PRRC2B: variants seen among roughly 807,000 people sequenced by gnomAD.
The protein encoded by PRRC2B is proline rich coiled-coil 2B.
In PRRC2B, 68 loss-of-function variants were observed where a neutral mutation model predicts 242.3. The ratio of observed to expected loss-of-function variants is 0.28; its 90% confidence interval spans 0.23 to 0.34. The LOEUF is 0.34. Among genes scored for constraint, PRRC2B ranks in the 10% least tolerant of loss-of-function variants. PRRC2B has a pLI of 1.00. For missense variants in PRRC2B, 2,835 were observed against 2,954.8 expected (o/e 0.96, Z 0.94); for synonymous variants, 1,228 against 1,173.6 (o/e 1.05, Z -0.95).
rs2131442715 is a variant in PRRC2B, at chr9:131,473,584, C to G, written c.2184C>G (p.Pro728=). 1.2e-6 allele frequency: 2 copies of G among 1,611,556 alleles called. No individual in the cohort carries two copies. Among genetic ancestry groups the G allele is most frequent in the Non-Finnish European group, 1.7e-6 (2 of 1,178,968 alleles). ...GCTCTGAGGATCAGAACTGTGTGCC[C>G]CCACTCCAAGAAAGAAAAGTGACCC... ...GCRSEDQNCV[P]PLQERKVTPI... Residue 728 remains proline (P), a synonymous_variant, in exon 15 of 32, where the codon CCC becomes CCG. Transcript: ENST00000683519.
chr9:131,424,582 A>T (rs1381968150), intron 1 of PRRC2B, among the ~76,000 whole-genome samples: 2 of 152,080 alleles, frequency 1.3e-5, no homozygotes, highest in Non-Finnish European at 2.9e-5. Context: ...GCTACTCGGG[A>T]GGCTGAGGCT....
Position 131,446,305 on chromosome 9 carries a change from TGGTGAAGGAGG to T in PRRC2B, c.614-93_614-83del. 1 of 1,422,140 alleles carries T rather than the reference TGGTGAAGGAGG, an allele frequency of 7.0e-7. No homozygotes were observed. The highest frequency in any genetic ancestry group is 1.4e-5 in the African/African-American group (1 of 69,852). 88.1% of individuals were successfully genotyped at this position (1,422,140 alleles called of 1,614,324 possible). On this transcript the variant is annotated intron_variant, in intron 6 of 31. Transcript: ENST00000683519. The surrounding 1 kb of genome is among the most constrained non-coding windows in gnomAD (Gnocchi z 4.1). ...TTTTTTGTTTTTCATTTTATTTTTT[TGGTGAAGGAGG>T]GGGTCCCTTGACCTTCAGAACCTCA...
At chr9:131,439,808 A>G (rs1838497485) in intron 5 of PRRC2B, among the ~76,000 whole-genome samples, 1 of 151,796 alleles carries the variant, frequency 6.6e-6, no homozygotes, top group African/African-American at 2.4e-5. Context: ...ATTATAGCCC[A>G]TTGCAGCCTC....
chr9:131,457,468 C>T lies in PRRC2B; in HGVS notation c.1212-1696C>T, dbSNP rs972541130. 5.9e-5 allele frequency among the ~76,000 whole-genome samples: 9 copies of T among 152,322 alleles called. No homozygotes were observed. In the South Asian group the frequency reaches 1.2e-3, roughly 21 times the overall value. ...GCACTTCAAAATCAGAGTGCCCGAA[C>T]GATCTCCTCCTGAAACCTGCTCTTT... On this transcript the variant is annotated intron_variant, in intron 10 of 31. Coordinates refer to ENST00000683519, the MANE Select transcript of PRRC2B (RefSeq NM_013318.4).
chr9:131,470,986 A>G lies in PRRC2B; in HGVS notation c.2107+3A>G. The G allele has an allele frequency of 1.2e-6, 2 of 1,606,944 alleles. No individual in the cohort carries two copies. The highest frequency in any genetic ancestry group is 1.7e-6 in the Non-Finnish European group (2 of 1,175,742). ...CCCCTCCGCCCTGCATCCCTCAGGT[A>G]AGCACTGTGGTCTGACGGTCCATAC... is the stretch of plus-strand genomic sequence containing the variant. On this transcript the variant is annotated splice_donor_region_variant and intron_variant, in intron 14 of 31. Transcript: ENST00000683519.
rs562255267 is a variant in PRRC2B, at chr9:131,409,932, C to T, written c.-52+15669C>T. 3.9e-5 allele frequency among the ~76,000 whole-genome samples: 6 copies of T among 152,326 alleles called. No homozygotes were observed. In the East Asian group the frequency reaches 1.2e-3, roughly 29 times the overall value. ...TTGGTTGCATTTGCAGAGTACTTCT[C>T]ATTTGTTAATTCACCATTATTTGGA... On this transcript the variant is annotated intron_variant, in intron 1 of 31. Transcript: ENST00000683519.
At chr9:131,431,528 G>A (rs1404071735) in intron 2 of PRRC2B, among the ~76,000 whole-genome samples, 1 of 151,704 alleles carries the variant, frequency 6.6e-6, no homozygotes, top group Non-Finnish European at 1.5e-5. Context: ...GCCTCCCAGG[G>A]TGCTGGGATT....
At chr9:131,449,418 G>GGT (rs1942843702) in intron 9 of PRRC2B, among the ~76,000 whole-genome samples, 1 of 151,882 alleles carries the variant, frequency 6.6e-6, no homozygotes, top group South Asian at 2.1e-4. Flanking sequence ...GGAGTGCAGT[G>GGT]GTGTGATCAA....
intron 1 of PRRC2B, 124 bp from the exon 2 acceptor site, chr9:131,429,970 G>C (rs750901095): frequency 1.3e-5 from 8 of 600,370 alleles, no homozygotes; most frequent in Non-Finnish European, 1.8e-5. Flanking sequence ...GCCATCTTCA[G>C]ATCTTCAAGG....
chr9:131,391,031 C>T (rs1836894862), upstream of PRRC2B, among the ~76,000 whole-genome samples: 1 of 149,750 alleles, frequency 6.7e-6, no homozygotes, highest in African/African-American at 2.5e-5. Flanking sequence ...GTGATCTGCC[C>T]ACCTCAGCCT....
chr9:131,481,855 A>C (rs569336705), intron 20 of PRRC2B, 47 bp downstream of exon 20: 3 of 1,490,830 alleles, frequency 2.0e-6, no homozygotes, highest in East Asian at 2.5e-5. Flanking sequence ...TGAGTGTGTG[A>C]GTGTGTGCTC....
intron 25 of PRRC2B, chr9:131,485,707 G>A (rs201273050): frequency 9.2e-5 from 51 of 556,470 alleles, no homozygotes; most frequent in Non-Finnish European, 1.4e-4. Context: ...ACCCTCCACT[G>A]TGGACTCAAT....
At position 131,487,401 on chromosome 9, in the gene PRRC2B, A is replaced by C; in HGVS notation, c.5984+107A>C. 47 of 446,968 alleles carry C rather than the reference A, an allele frequency of 1.1e-4. No homozygotes were observed. The highest frequency in any genetic ancestry group is 1.8e-4 in the East Asian group (3 of 16,880). The allele number at this position is 446,968 out of a possible 1,614,324, so 27.7% of individuals were successfully genotyped here. ...TTTGGTGCTTGTCTGCTTTGGGGCC[A>C]GTGGGGCGGGGAGGGGTGGGAGTTT... On this transcript the variant is annotated intron_variant, in intron 27 of 31. Coordinates refer to ENST00000683519, the MANE Select transcript of PRRC2B (RefSeq NM_013318.4). The surrounding 1 kb of genome is among the most constrained non-coding windows in gnomAD (Gnocchi z 5.3).
chr9:131,390,476 CTTTTTTTTTTTT>C (rs10688559), upstream of PRRC2B, among the ~76,000 whole-genome samples: 1 of 41,208 alleles, frequency 2.4e-5, no homozygotes, highest in South Asian at 1.1e-3. Flanking sequence ...CCTAGCTTGC[CTTTTTTTTTTTT>C]TTTTTTTTTT....
At chr9:131,394,927 C>G (rs1837001673) in intron 1 of PRRC2B, among the ~76,000 whole-genome samples, 1 of 148,758 alleles carries the variant, frequency 6.7e-6, no homozygotes. Context: ...TAATAATAAA[C>G]AGGATGTCGC....
At chr9:131,439,454 C>T (rs751609819) in intron 5 of PRRC2B, among the ~76,000 whole-genome samples, 6 of 152,226 alleles carry the variant, frequency 3.9e-5, no homozygotes, top group Admixed American at 6.5e-5. Context: ...TTCACTTTCT[C>T]CTGTAAAGCA....
chr9:131,485,153 C>T lies in PRRC2B; in HGVS notation c.5758+13C>T, dbSNP rs1435759440. On this transcript the variant is annotated intron_variant, in intron 25 of 31. Coordinates refer to ENST00000683519, the MANE Select transcript of PRRC2B (RefSeq NM_013318.4). ...GCTTCTATGCCAGGTATCTCATCCC[C>T]TGAGCAAGGCCTTGGGGTCCTTCTC... The T allele has an allele frequency of 6.4e-7, 1 of 1,556,700 alleles. No individual in the cohort carries two copies. The highest frequency in any genetic ancestry group is 1.2e-5 in the South Asian group (1 of 85,998).
At chr9:131,454,866 C>T (rs1185560629) in intron 9 of PRRC2B, among the ~76,000 whole-genome samples, 1 of 149,484 alleles carries the variant, frequency 6.7e-6, no homozygotes, top group Non-Finnish European at 1.5e-5. Context: ...AAACTCCTGA[C>T]CTCATGATCC....
intron 1 of PRRC2B, among the ~76,000 whole-genome samples, chr9:131,378,233 C>G (rs1836710316): frequency 6.6e-6 from 1 of 150,784 alleles, no homozygotes; most frequent in African/African-American, 2.4e-5. Flanking sequence ...CGCTTGAACC[C>G]AGGAGGCGGA....
Sources: gnomAD v4.1 joint callset for allele counts (sites outside exome capture counted in the v4.1 genomes callset) on GRCh38, gnomAD v4.1.1 for gene constraint, Gnocchi (gnomAD v3.1) non-coding constraint, MANE v1.5 for transcripts, NCBI Gene and HGNC (gene_info 2026-07-23, HGNC 2026-07-21) for gene names.